The following RALYL variants were observed in gnomAD, a reference collection of about 807,000 sequenced individuals.
The protein encoded by RALYL is RALY RNA binding protein like.
RALYL carries 29 observed loss-of-function variants against 35.1 expected under a neutral mutation model. The ratio of observed to expected loss-of-function variants is 0.83; its 90% CI spans 0.61 to 1.13. RALYL has a LOEUF of 1.13. Among genes scored for constraint, RALYL ranks in the 50% most tolerant of loss-of-function variants. RALYL has a pLI of 0.00. For synonymous variants in RALYL, 120 were observed against 127.6 expected (o/e 0.94, Z 0.40); for missense variants, 359 against 360.4 (o/e 1.00, Z 0.03).
At chr8:84,384,402 G>A (rs1383785091) in intron 1 of RALYL, among the ~76,000 whole-genome samples, 1 of 151,600 alleles carries the variant, frequency 6.6e-6, no homozygotes, top group Non-Finnish European at 1.5e-5. Context: ...TTCCTGTAGA[G>A]CATGTCCCAC....
intron 3 of RALYL, among the ~76,000 whole-genome samples, chr8:84,799,784 G>T (rs558969475): frequency 6.6e-6 from 1 of 152,030 alleles, no homozygotes; most frequent in South Asian, 2.1e-4. Flanking sequence ...GTGAAACCCC[G>T]TCTCTACTAA....
intron 3 of RALYL, among the ~76,000 whole-genome samples, chr8:84,794,891 C>T (rs973395895): frequency 9.9e-5 from 15 of 152,208 alleles, no homozygotes; most frequent in African/African-American, 2.7e-4. Flanking sequence ...GAGATGAGCC[C>T]TGCAGCCTTA....
intron 4 of RALYL, among the ~76,000 whole-genome samples, chr8:84,805,240 T>C: frequency 6.6e-6 from 1 of 152,202 alleles, no homozygotes. Context: ...CTATCTTTTC[T>C]CCTTATCTCT....
At chr8:84,276,167 A>C (rs1226441095) in intron 1 of RALYL, among the ~76,000 whole-genome samples, 1 of 152,120 alleles carries the variant, frequency 6.6e-6, no homozygotes, top group African/African-American at 2.4e-5. Context: ...TTAATAATCT[A>C]TGGTGTTTTG....
intron 2 of RALYL, among the ~76,000 whole-genome samples, chr8:84,579,120 C>T (rs1810219551): frequency 6.6e-6 from 1 of 152,172 alleles, no homozygotes; most frequent in Non-Finnish European, 1.5e-5. Flanking sequence ...CCAAGCAGCC[C>T]TCAGCCCCCC....
intron 4 of RALYL, among the ~76,000 whole-genome samples, chr8:84,825,040 A>T (rs1829367056): frequency 6.6e-6 from 1 of 152,180 alleles, no homozygotes; most frequent in African/African-American, 2.4e-5. Context: ...ATGCAAGAGA[A>T]ACTATCAAGG....
At chr8:84,589,634 A>G (rs1398782789) in intron 2 of RALYL, among the ~76,000 whole-genome samples, 1 of 152,222 alleles carries the variant, frequency 6.6e-6, no homozygotes, top group African/African-American at 2.4e-5. Context: ...ATACTTTATT[A>G]TCTTAATTCA....
chr8:84,213,752 A>T (rs1217392840), intron 1 of RALYL, among the ~76,000 whole-genome samples: 1 of 152,206 alleles, frequency 6.6e-6, no homozygotes, highest in Admixed American at 6.5e-5. Flanking sequence ...GAAGTATTAC[A>T]ATGACATATT....
At chr8:84,902,887 A>G (rs1845921971) in intron 8 of RALYL, among the ~76,000 whole-genome samples, 1 of 152,180 alleles carries the variant, frequency 6.6e-6, no homozygotes, top group Non-Finnish European at 1.5e-5. Context: ...AACAAAATTT[A>G]GTGGACATGC....
chr8:84,322,933 T>G (rs550178307), intron 1 of RALYL, among the ~76,000 whole-genome samples: 2 of 152,250 alleles, frequency 1.3e-5, no homozygotes, highest in Admixed American at 1.3e-4. Flanking sequence ...AAAAGACTAT[T>G]GGTGACTTTG....
At chr8:84,911,256 T>C (rs1168355177) in intron 8 of RALYL, among the ~76,000 whole-genome samples, 1 of 152,124 alleles carries the variant, frequency 6.6e-6, no homozygotes. Context: ...GAATATGCTT[T>C]TGAAAGATTC....
At chr8:84,456,782 C>T (rs2050184957) in intron 1 of RALYL, among the ~76,000 whole-genome samples, 1 of 151,974 alleles carries the variant, frequency 6.6e-6, no homozygotes, top group African/African-American at 2.4e-5. Context: ...GCCTACATTA[C>T]ATCATCTTAG....
intron 2 of RALYL, among the ~76,000 whole-genome samples, chr8:84,676,170 A>G (rs1834151765): frequency 6.6e-6 from 1 of 152,206 alleles, no homozygotes; most frequent in Non-Finnish European, 1.5e-5. Context: ...ACATGAAAGA[A>G]TATTTTCTCT....
intron 6 of RALYL, among the ~76,000 whole-genome samples, chr8:84,868,103 G>T (rs1020419610): frequency 1.3e-5 from 2 of 152,136 alleles, no homozygotes; most frequent in Non-Finnish European, 2.9e-5. Flanking sequence ...GATGGGCAGT[G>T]GGGGGTAGGA....
chr8:84,700,061 C>A (rs1432161690), intron 2 of RALYL, among the ~76,000 whole-genome samples: 1 of 151,922 alleles, frequency 6.6e-6, no homozygotes, highest in Non-Finnish European at 1.5e-5. Flanking sequence ...TAAAACACTG[C>A]AAATTTATCC....
At chr8:84,219,127 TG>T (rs565025664) in intron 1 of RALYL, among the ~76,000 whole-genome samples, 65 of 152,232 alleles carry the variant, frequency 4.3e-4, no homozygotes, top group African/African-American at 1.4e-3. Flanking sequence ...GATATGGTTA[TG>T]CTTTGTGTCC....
At chr8:84,509,072 A>T (rs2057400079) in intron 1 of RALYL, among the ~76,000 whole-genome samples, 1 of 152,170 alleles carries the variant, frequency 6.6e-6, no homozygotes, top group Non-Finnish European at 1.5e-5. Context: ...CATACATATT[A>T]TATCAAAAAA....
chr8:84,189,007 C>G (rs1813205835), intron 1 of RALYL, among the ~76,000 whole-genome samples: 1 of 152,058 alleles, frequency 6.6e-6, no homozygotes, highest in African/African-American at 2.4e-5. Context: ...CTTTTTCTAT[C>G]CATTTGTAGC....
intron 1 of RALYL, among the ~76,000 whole-genome samples, chr8:84,285,830 G>A (rs991395379): frequency 6.6e-6 from 1 of 152,192 alleles, no homozygotes; most frequent in Admixed American, 6.5e-5. Flanking sequence ...AGTCAGTAGT[G>A]AGGACTTTGC....
Sources: allele counts gnomAD v4.1 joint callset (sites outside exome capture counted in the v4.1 genomes callset), GRCh38; gene constraint gnomAD v4.1.1; transcripts MANE v1.5; gene names NCBI Gene and HGNC (gene_info 2026-07-23, HGNC 2026-07-21).